The following CFAP57 variants were observed in gnomAD, a reference collection of about 807,000 sequenced individuals.
CFAP57 encodes the protein cilia and flagella associated protein 57, also known as cilia- and flagella-associated protein 57.
Under a neutral mutation model 146.8 loss-of-function variants are expected in CFAP57, and 116 were observed. The ratio of observed to expected loss-of-function variants is 0.79; its 90% CI spans 0.68 to 0.92. The LOEUF is 0.92. Among genes scored for constraint, CFAP57 ranks in the 40% least tolerant of loss-of-function variants. The pLI is 0.00. For synonymous variants in CFAP57, 518 were observed against 552.8 expected, an observed-to-expected ratio of 0.94 and a Z score of 0.88; for missense variants, 1,377 against 1,527.2, an observed-to-expected ratio of 0.90 and a Z score of 1.64.
At chr1:43,188,018 G>T (rs956504268) in intron 6 of CFAP57, among the ~76,000 whole-genome samples, 1 of 152,070 alleles carries the variant, frequency 6.6e-6, no homozygotes, top group Admixed American at 6.6e-5. Context: ...TTCCCAGGCT[G>T]GTCTTGAGTT....
intron 2 of CFAP57, chr1:43,177,333 A>G (rs970358102): frequency 2.5e-6 from 1 of 401,502 alleles, no homozygotes; most frequent in African/African-American, 2.1e-5. Flanking sequence ...AGCAGGAAGA[A>G]GCAAGGTTTT....
chr1:43,202,386 C>T lies in CFAP57; in HGVS notation c.1542+2883C>T, dbSNP rs997475090. ...TTTGAAAACACGAAATAGACAAACC[C>T]TTGGCATGACTGATGAAGAAAAAAT... On this transcript the variant is annotated intron_variant, in intron 9 of 22. Transcript: ENST00000372492. 3.3e-5 allele frequency among the ~76,000 whole-genome samples: 5 copies of T among 152,012 alleles called. No individual in the cohort carries two copies. In the South Asian group the frequency reaches 8.3e-4, roughly 25 times the overall value.
At chr1:43,186,682 G>C in intron 5 of CFAP57, 25 bp from the exon 6 acceptor site, 1 of 1,610,880 alleles carries the variant, frequency 6.2e-7, no homozygotes, top group South Asian at 1.1e-5. Flanking sequence ...GGACATTACT[G>C]ATAGCTGTTT....
rs114939974 is a variant in CFAP57 at position 43,216,059 on chromosome 1, G to A, written c.2091+643G>A. ...ATATGAGTGCATAGCTCTGTGTTAC[G>A]CTTCCTAAGGGAGAAGCTGAATGGA... On this transcript the variant is annotated intron_variant, in intron 12 of 22. Coordinates refer to ENST00000372492, the MANE Select transcript of CFAP57 (RefSeq NM_001378189.1). Among the ~76,000 whole-genome samples the A allele has an allele frequency of 2.6e-3, 395 of 152,282 alleles. 1 individual carries two copies. The highest frequency in any genetic ancestry group is 9.2e-3 in the African/African-American group (384 of 41,558).
Position 43,227,064 on chromosome 1 carries a change from C to T in CFAP57, c.2947C>T (p.Leu983=), listed in dbSNP as rs1369027374. ...TGTGCTTGACTACAAAATAAAGGAG[C>T]TGAAGAAGCAAATAGAACCTCGAGA... ...KFVLDYKIKE[L]KKQIEPRENE... is the part of the protein sequence containing the mutation. Residue 983 remains leucine (L), a synonymous_variant, in exon 18 of 23, where the codon CTG becomes TTG. Transcript: ENST00000372492. The T allele has an allele frequency of 4.5e-6, 7 of 1,544,764 alleles. No individual in the cohort carries two copies. Among genetic ancestry groups the T allele is most frequent in the Non-Finnish European group, 6.1e-6 (7 of 1,144,330 alleles).
chr1:43,173,577 CTG>C (rs1432473782), intron 2 of CFAP57, among the ~76,000 whole-genome samples: 2 of 152,188 alleles, frequency 1.3e-5, no homozygotes, highest in South Asian at 4.1e-4. Context: ...TCCCTGTATT[CTG>C]TGTCTTGCTG....
chr1:43,197,091 C>A (rs11210809), intron 6 of CFAP57, among the ~76,000 whole-genome samples: 28,485 of 152,078 alleles, frequency 0.19, 3,069 homozygotes, highest in Middle Eastern at 0.28. Flanking sequence ...TGGTGGCTCA[C>A]GCCTGTAATC....
Position 43,181,786 on chromosome 1 carries a change from T to A in CFAP57, c.410T>A (p.Leu137Gln), listed in dbSNP as rs1458055915. 6.2e-7 allele frequency: 1 copy of A among 1,614,190 alleles called. No homozygotes were observed. The highest frequency in any genetic ancestry group is 1.1e-5 in the South Asian group (1 of 91,088). ...CCAGAGTCAAATCTTGTCTACTGGC[T>A]GTGGGAAAAACAGAAAGTAATGGCC... is the stretch of plus-strand genomic sequence containing the variant. ...SPPESNLVYW[L>Q]WEKQKVMAIV... The change falls in exon 3 of 23, where the codon CTG (leucine) becomes CAG (glutamine). Residue 137 changes from leucine (L) to glutamine (Q), a missense_variant. Transcript: ENST00000372492.
intron 7 of CFAP57, 29 bp downstream of exon 7, chr1:43,197,721 T>TAAAG: frequency 6.2e-7 from 1 of 1,613,500 alleles, no homozygotes; most frequent in Non-Finnish European, 8.5e-7. Context: ...GCCTACTTTA[T>TAAAG]TATGCAAGAC....
intron 11 of CFAP57, among the ~76,000 whole-genome samples, chr1:43,214,267 A>G (rs561301875): frequency 6.6e-6 from 1 of 152,228 alleles, no homozygotes; most frequent in South Asian, 2.1e-4. Flanking sequence ...TATTCTGGAT[A>G]TTGGTCTTTT....
At chr1:43,203,649 C>T (rs1644230440) in intron 9 of CFAP57, among the ~76,000 whole-genome samples, 1 of 152,050 alleles carries the variant, frequency 6.6e-6, no homozygotes, top group Non-Finnish European at 1.5e-5. Flanking sequence ...TTAGTAGAGA[C>T]AGGGTTTCAC....
rs1557797174 is a variant in CFAP57 at position 43,221,425 on chromosome 1, AGAC to A, written c.2302_2304del (p.Asp768del). On this transcript the variant is annotated inframe_deletion, in exon 14 of 23. Coordinates refer to ENST00000372492, the MANE Select transcript of CFAP57 (RefSeq NM_001378189.1). ...ATGTTTATCACCATGAGCACATAGA[AGAC>A]CTCCTAGACAAGCAAAGCCGGGAAC... 6.5e-7 allele frequency: 1 copy of A among 1,542,070 alleles called. No individual in the cohort carries two copies.
At chr1:43,198,775 AG>A (rs1643979984) in intron 8 of CFAP57, 129 bp downstream of exon 8, 13 of 911,314 alleles carry the variant, frequency 1.4e-5, no homozygotes, top group Non-Finnish European at 2.1e-5. Flanking sequence ...GCTTAAAAAA[AG>A]GGGGAAGGAG....
At chr1:43,246,653 G>A (rs1386977081) in intron 22 of CFAP57, among the ~76,000 whole-genome samples, 1 of 152,092 alleles carries the variant, frequency 6.6e-6, no homozygotes, top group East Asian at 1.9e-4. Context: ...AAAAGCACAG[G>A]CAACGAAATA....
chr1:43,241,790 T>C (rs1208446352), intron 21 of CFAP57, among the ~76,000 whole-genome samples: 1 of 151,898 alleles, frequency 6.6e-6, no homozygotes, highest in African/African-American at 2.4e-5. Context: ...GGTGGTCAGG[T>C]GATGTATTTG....
At chr1:43,191,850 G>T (rs1179468268) in intron 6 of CFAP57, among the ~76,000 whole-genome samples, 2 of 149,264 alleles carry the variant, frequency 1.3e-5, no homozygotes, top group Admixed American at 6.7e-5. Flanking sequence ...ATTTATTTAA[G>T]ATCTTTCTTT....
intron 2 of CFAP57, 122 bp from the exon 3 acceptor site, chr1:43,181,412 G>A: frequency 8.5e-7 from 1 of 1,180,088 alleles, no homozygotes; most frequent in Non-Finnish European, 1.2e-6. Context: ...CTATGCCAAG[G>A]CCGCCTTTCT....
intron 2 of CFAP57, among the ~76,000 whole-genome samples, chr1:43,177,585 C>T (rs1224926042): frequency 6.6e-6 from 1 of 152,096 alleles, no homozygotes; most frequent in African/African-American, 2.4e-5. Context: ...TGAGACTTCC[C>T]TAGGGCAGTG....
At chr1:43,207,670 G>A (rs951079210) in intron 10 of CFAP57, among the ~76,000 whole-genome samples, 4 of 152,286 alleles carry the variant, frequency 2.6e-5, no homozygotes, top group Admixed American at 1.3e-4. Flanking sequence ...CTCTGAAACC[G>A]TACAGTTACA....
Sources: gnomAD v4.1 joint callset for allele counts (sites outside exome capture counted in the v4.1 genomes callset) on GRCh38, gnomAD v4.1.1 for gene constraint, MANE v1.5 for transcripts, NCBI Gene and HGNC (gene_info 2026-07-23, HGNC 2026-07-21) for gene names.